The following PIK3C3 variants were observed in gnomAD, a reference collection of about 807,000 sequenced individuals.
PIK3C3 encodes the protein PI3-kinase type 3.
A neutral mutation model predicts 126.1 loss-of-function variants in PIK3C3; 95 were observed. The ratio of observed to expected loss-of-function variants is 0.75; its 90% CI spans 0.64 to 0.89. PIK3C3 has a LOEUF of 0.89. Among genes scored for constraint, PIK3C3 ranks in the 40% least tolerant of loss-of-function variants. PIK3C3 has a pLI of 0.00. For missense variants in PIK3C3, 829 were observed against 1,063.2 expected (o/e 0.78, Z 3.06); for synonymous variants, 374 against 360.0 (o/e 1.04, Z -0.44).
rs752128264 is a variant in PIK3C3, at chr18:41,962,577, C to A, written c.346C>A (p.Pro116Thr). Residue 116 changes from proline to threonine, a missense_variant, in exon 3 of 25, where the codon CCC (proline) becomes ACC (threonine). This residue lies in a region of PIK3C3 where 313 missense variants were observed against 340.7 expected (regional missense o/e 0.92). Transcript: ENST00000262039. ...VALTIWDVYG[P>T]GKAVPVGGTT... ...CCTCACCATATGGGATGTGTATGGTCCCGGAAAAGCAGTGCCTGTAGGAGG... is the reference window on the plus strand; with the variant it reads ...CCTCACCATATGGGATGTGTATGGTACCGGAAAAGCAGTGCCTGTAGGAGG... 6.2e-7 allele frequency: 1 copy of A among 1,613,602 alleles called. No homozygotes were observed. Among genetic ancestry groups the A allele is most frequent in the South Asian group, 1.1e-5 (1 of 91,028 alleles).
chr18:42,067,220 C>A (rs1463669008), intron 23 of PIK3C3, among the ~76,000 whole-genome samples, 168 bp from the exon 24 acceptor site: 1 of 152,110 alleles, frequency 6.6e-6, no homozygotes, highest in African/African-American at 2.4e-5. Context: ...AAACAGCAAA[C>A]TTCCACACTC....
At chr18:42,078,346 C>T (rs987723143) in intron 24 of PIK3C3, among the ~76,000 whole-genome samples, 9 of 137,366 alleles carry the variant, frequency 6.6e-5, no homozygotes, top group African/African-American at 1.4e-4. Context: ...CACTGCAGTC[C>T]GCAGTCCGGC....
At chr18:42,073,764 G>A (rs1330157061) in intron 24 of PIK3C3, among the ~76,000 whole-genome samples, 2 of 147,540 alleles carry the variant, frequency 1.4e-5, no homozygotes, top group Non-Finnish European at 3.0e-5. Flanking sequence ...TCCTTTCTAT[G>A]TTGACTTTAG....
intron 17 of PIK3C3, 104 bp from the exon 18 acceptor site, chr18:42,038,677 C>T (rs1459913904): frequency 1.4e-6 from 1 of 705,182 alleles, no homozygotes; most frequent in African/African-American, 1.8e-5. Context: ...TTTAGCTTAA[C>T]TTCCTAAATC....
At position 42,085,656 on chromosome 18, in the gene PIK3C3, C is replaced by T. The variant is rs1049237423; in HGVS notation, c.*4519C>T. 2 of 152,134 alleles carry T rather than the reference C, an allele frequency of 1.3e-5. No individual in the cohort carries two copies. The highest frequency in any genetic ancestry group is 3.2e-3 in the Middle Eastern group (1 of 316). 9.4% of individuals were successfully genotyped at this position (152,134 alleles called of 1,614,324 possible). On this transcript the variant is annotated 3_prime_UTR_variant, in exon 25 of 25. Coordinates refer to ENST00000262039, the MANE Select transcript of PIK3C3 (RefSeq NM_002647.4). ...TGGTCTAATTTTACCAAATAACCCC[C>T]TAAATAAGAAGTCTGATTTATCTAA...
intron 20 of PIK3C3, among the ~76,000 whole-genome samples, chr18:42,044,740 T>C (rs1188475758): frequency 5.3e-5 from 8 of 152,022 alleles, no homozygotes; most frequent in Non-Finnish European, 1.2e-4. Context: ...TTTATTTTGA[T>C]TTTTTTTATA....
intron 24 of PIK3C3, 131 bp from the exon 25 acceptor site, chr18:42,080,992 G>A: frequency 3.5e-6 from 2 of 577,414 alleles, no homozygotes; most frequent in Non-Finnish European, 6.2e-6. Flanking sequence ...AATCCTCTTG[G>A]TAGCATTTAG....
At chr18:42,044,268 A>C (rs1984458910) in intron 20 of PIK3C3, among the ~76,000 whole-genome samples, 1 of 152,206 alleles carries the variant, frequency 6.6e-6, no homozygotes, top group Admixed American at 6.5e-5. Context: ...GAAATAAGAA[A>C]GCAGTAGTAG....
Position 42,002,265 on chromosome 18 carries a change from A to T in PIK3C3, c.985-2091A>T, listed in dbSNP as rs560280085. Among the ~76,000 whole-genome samples, 22 of 152,300 alleles carry T rather than the reference A, an allele frequency of 1.4e-4. 1 individual carries two copies. In the South Asian group the frequency reaches 4.3e-3, roughly 30 times the overall value. ...GGGGTTAGAGAGACATTGTTAATGT[A>T]AGTTAACTGGGCTGAAGCATGGAAG... On this transcript the variant is annotated intron_variant, in intron 9 of 24. Transcript: ENST00000262039.
chr18:41,964,241 T>C (rs1217199623), intron 3 of PIK3C3, among the ~76,000 whole-genome samples: 2 of 152,180 alleles, frequency 1.3e-5, no homozygotes, highest in Non-Finnish European at 2.9e-5. Flanking sequence ...TATCCAGCTA[T>C]TTTAAAATAG....
At chr18:42,005,339 G>A (rs1982492864) in intron 10 of PIK3C3, among the ~76,000 whole-genome samples, 1 of 152,148 alleles carries the variant, frequency 6.6e-6, no homozygotes, top group Non-Finnish European at 1.5e-5. Flanking sequence ...CATAGAAAAG[G>A]TACAGTAAAA....
chr18:42,077,311 A>T (rs1384242146), intron 24 of PIK3C3, among the ~76,000 whole-genome samples: 1 of 152,226 alleles, frequency 6.6e-6, no homozygotes, highest in Non-Finnish European at 1.5e-5. Context: ...TTGCCACATC[A>T]GTTGATTCTT....
Position 42,055,763 on chromosome 18 carries a change from GTT to G in PIK3C3, c.2264-2117_2264-2116del, listed in dbSNP as rs372246893. Among the ~76,000 whole-genome samples, 432 of 152,152 alleles carry G rather than the reference GTT, an allele frequency of 2.8e-3. 4 individuals carry two copies. Among genetic ancestry groups the G allele is most frequent in the South Asian group, 6.8e-3 (33 of 4,830 alleles). Reference sequence around the variant, plus strand: ...AGGTATGAAAAACAGAATGAATACAGTTTTGATGTTGGACACGTTTAATTATT... The same window carrying G: ...AGGTATGAAAAACAGAATGAATACAGTTGATGTTGGACACGTTTAATTATT... On this transcript the variant is annotated intron_variant, in intron 21 of 24. Transcript: ENST00000262039.
chr18:41,978,833 A>G (rs1981056161), intron 4 of PIK3C3, among the ~76,000 whole-genome samples: 1 of 152,122 alleles, frequency 6.6e-6, no homozygotes, highest in Non-Finnish European at 1.5e-5. Context: ...GGGTTTTAAC[A>G]TTTACATGAT....
chr18:42,040,571 A>G (rs1984266403), intron 18 of PIK3C3, 106 bp from the exon 19 acceptor site: 1 of 745,318 alleles, frequency 1.3e-6, no homozygotes, highest in Non-Finnish European at 2.3e-6. Context: ...AGTTGTTCAG[A>G]TATGGAATGC....
At chr18:42,076,149 T>TATATATATATATATGCGC (rs1986004755) in intron 24 of PIK3C3, among the ~76,000 whole-genome samples, 1 of 88,626 alleles carries the variant, frequency 1.1e-5, no homozygotes, top group African/African-American at 6.6e-5. Flanking sequence ...TATATGCGCA[T>TATATATATATATATGCGC]ATATATATAT....
At chr18:41,960,622 A>ACTTC (rs1315653901) in intron 2 of PIK3C3, among the ~76,000 whole-genome samples, 8 of 152,190 alleles carry the variant, frequency 5.3e-5, no homozygotes, top group Admixed American at 2.6e-4. Flanking sequence ...TGATTCGTGA[A>ACTTC]GAGGAGGAGA....
At chr18:41,963,802 ATTC>A (rs1212014444) in intron 3 of PIK3C3, among the ~76,000 whole-genome samples, 1 of 148,884 alleles carries the variant, frequency 6.7e-6, no homozygotes, top group Admixed American at 6.7e-5. Flanking sequence ...TTGAGATATA[ATTC>A]ACATATCATA....
At chr18:42,006,303 G>C (rs1376401618) in intron 10 of PIK3C3, among the ~76,000 whole-genome samples, 3 of 152,030 alleles carry the variant, frequency 2.0e-5, no homozygotes, top group African/African-American at 7.2e-5. Context: ...GCATGTGGGT[G>C]CATTCTTCTT....
Sources: allele counts gnomAD v4.1 joint callset (sites outside exome capture counted in the v4.1 genomes callset), GRCh38; gene constraint gnomAD v4.1.1; regional missense constraint gnomAD v4.1.1; transcripts MANE v1.5; gene names NCBI Gene and HGNC (gene_info 2026-07-23, HGNC 2026-07-21).